DAPP1: variants seen among roughly 807,000 people sequenced by gnomAD.
DAPP1 encodes dual adapter for phosphotyrosine and 3-phosphotyrosine and 3-phosphoinositide.
A neutral mutation model predicts 41.5 loss-of-function variants in DAPP1; 20 were observed. The ratio of observed to expected loss-of-function variants is 0.48; its 90% CI spans 0.34 to 0.70. The LOEUF (loss-of-function observed/expected upper bound fraction) is 0.70. Among genes scored for constraint, DAPP1 ranks in the 30% least tolerant of loss-of-function variants. The pLI is 0.01. For missense variants in DAPP1, 233 were observed against 333.4 expected (o/e 0.70, Z 2.35); for synonymous variants, 113 against 116.2 (o/e 0.97, Z 0.18).
intron 4 of DAPP1, among the ~76,000 whole-genome samples, chr4:99,859,484 G>A (rs777386435): frequency 3.3e-5 from 5 of 152,098 alleles, no homozygotes; most frequent in Middle Eastern, 3.2e-3. Context: ...TTTTACATCT[G>A]TATTTATCTG....
rs909506285 is a variant in DAPP1, at chr4:99,854,140, G to A, written c.489+792G>A. Among the ~76,000 whole-genome samples, 15 of 152,022 alleles carry A rather than the reference G, an allele frequency of 9.9e-5. 1 individual carries two copies. In the East Asian group the frequency reaches 1.4e-3, roughly 14 times the overall value. ...GAAAACACTTGTGCTTCTTTGCAAC[G>A]TGAGCCATTGTTCAATTTCAGTGCA... On this transcript the variant is annotated intron_variant, in intron 4 of 8. Coordinates refer to ENST00000512369, the MANE Select transcript of DAPP1 (RefSeq NM_014395.3).
At chr4:99,858,313 TA>T (rs1331095582) in intron 4 of DAPP1, among the ~76,000 whole-genome samples, 13 of 152,254 alleles carry the variant, frequency 8.5e-5, no homozygotes, top group African/African-American at 3.1e-4. Flanking sequence ...AAAGACCAGT[TA>T]TTTTGTAAAT....
chr4:99,871,202 A>G (rs1001881186), downstream of DAPP1, among the ~76,000 whole-genome samples: 2 of 152,170 alleles, frequency 1.3e-5, no homozygotes, highest in Non-Finnish European at 2.9e-5. Flanking sequence ...GAACTACTGT[A>G]AGGAGAAGGT....
At chr4:99,849,015 T>A (rs1402851064) in intron 3 of DAPP1, among the ~76,000 whole-genome samples, 1 of 152,214 alleles carries the variant, frequency 6.6e-6, no homozygotes, top group African/African-American at 2.4e-5. Flanking sequence ...AGAATAGTCA[T>A]CTAAGGAGAA....
chr4:99,831,116 A>G (rs977717743), intron 1 of DAPP1, among the ~76,000 whole-genome samples: 3 of 152,192 alleles, frequency 2.0e-5, no homozygotes, highest in African/African-American at 7.2e-5. Context: ...ATGTTTTTAT[A>G]TATCTTAATA....
chr4:99,850,859 C>G (rs1723830895), intron 3 of DAPP1, among the ~76,000 whole-genome samples: 1 of 152,112 alleles, frequency 6.6e-6, no homozygotes, highest in African/African-American at 2.4e-5. Context: ...TTATCATTCT[C>G]CCACAAACAT....
intron 1 of DAPP1, among the ~76,000 whole-genome samples, chr4:99,826,783 TA>T: frequency 6.6e-6 from 1 of 152,242 alleles, no homozygotes; most frequent in Non-Finnish European, 1.5e-5. Flanking sequence ...TAATGAATCC[TA>T]TATTCATTCT....
chr4:99,863,724 T>TC (rs1560709770), intron 6 of DAPP1, 46 bp from the exon 7 acceptor site: 2 of 1,239,868 alleles, frequency 1.6e-6, no homozygotes, highest in African/African-American at 3.1e-5. Context: ...GTCTGTTTTT[T>TC]TTTTTTTTTT....
chr4:99,866,259 A>C, intron 8 of DAPP1, 138 bp downstream of exon 8: 1 of 618,576 alleles, frequency 1.6e-6, no homozygotes, highest in Non-Finnish European at 2.9e-6. Context: ...GGCTTGCGGA[A>C]CAGTCTGTTA....
intron 1 of DAPP1, among the ~76,000 whole-genome samples, chr4:99,820,899 G>A (rs1487805357): frequency 6.6e-6 from 1 of 152,202 alleles, no homozygotes; most frequent in Admixed American, 6.5e-5. Flanking sequence ...AAAATGTACA[G>A]CCATTCTTGG....
At chr4:99,841,387 A>G (rs1300422860) in intron 3 of DAPP1, among the ~76,000 whole-genome samples, 1 of 152,238 alleles carries the variant, frequency 6.6e-6, no homozygotes, top group African/African-American at 2.4e-5. Context: ...CGGAAACTAG[A>G]AAATAGTTGC....
chr4:99,832,417 T>C (rs17029570), intron 1 of DAPP1, among the ~76,000 whole-genome samples: 11,496 of 152,260 alleles, frequency 0.076, 501 homozygotes, highest in Middle Eastern at 0.14. Context: ...CTTAACTCAA[T>C]TAAAAGGGGA....
chr4:99,845,658 A>G (rs1408286015), intron 3 of DAPP1, among the ~76,000 whole-genome samples: 6 of 152,236 alleles, frequency 3.9e-5, no homozygotes, highest in African/African-American at 1.4e-4. Flanking sequence ...TGTTCTAAAG[A>G]GTGTGAATCA....
rs755335141 is a variant in DAPP1 at position 99,863,083 on chromosome 4, T to C, written c.600+11T>C. ...TTCAAAGACCAGATGGTGAGAAACA[T>C]GATAATATATTTTTCCTTTAAAAAT... On this transcript the variant is annotated intron_variant, in intron 6 of 8. Coordinates refer to ENST00000512369, the MANE Select transcript of DAPP1 (RefSeq NM_014395.3). The C allele has an allele frequency of 3.1e-5, 47 of 1,540,552 alleles. No homozygotes were observed. The highest frequency in any genetic ancestry group is 4.0e-5 in the Non-Finnish European group (46 of 1,142,072).
downstream of DAPP1, among the ~76,000 whole-genome samples, chr4:99,871,797 A>G (rs976428863): frequency 2.6e-5 from 4 of 152,212 alleles, no homozygotes; most frequent in African/African-American, 9.7e-5. Context: ...GGTGATTCGG[A>G]GCACATTCTT....
At chr4:99,846,525 ATAAT>A (rs1410192149) in intron 3 of DAPP1, among the ~76,000 whole-genome samples, 27 of 152,390 alleles carry the variant, frequency 1.8e-4, no homozygotes, top group African/African-American at 6.5e-4. Context: ...TAAGTATTCA[ATAAT>A]TATTATTCAT....
intron 1 of DAPP1, among the ~76,000 whole-genome samples, chr4:99,828,664 C>T (rs535354763): frequency 9.8e-5 from 15 of 152,322 alleles, no homozygotes; most frequent in African/African-American, 2.6e-4. Context: ...AGCCTGTCCA[C>T]ATTCTCTGTG....
At chr4:99,859,350 A>C (rs1724158278) in intron 4 of DAPP1, among the ~76,000 whole-genome samples, 1 of 152,198 alleles carries the variant, frequency 6.6e-6, no homozygotes. Context: ...TCCACAGAAT[A>C]GTACTCTAGA....
chr4:99,870,586 G>A (rs900767499), downstream of DAPP1, among the ~76,000 whole-genome samples: 9 of 152,194 alleles, frequency 5.9e-5, no homozygotes, highest in Non-Finnish European at 1.0e-4. Flanking sequence ...CCCAAGTGGA[G>A]CCTGTGAGGG....
Sources: gnomAD v4.1 joint callset for allele counts (sites outside exome capture counted in the v4.1 genomes callset) on GRCh38, gnomAD v4.1.1 for gene constraint, MANE v1.5 for transcripts, NCBI Gene and HGNC (gene_info 2026-07-23, HGNC 2026-07-21) for gene names.